Variants in ATG7 observed in about 807,000 individuals in gnomAD.
ATG7 encodes ubiquitin-like modifier-activating enzyme ATG7.
ATG7 carries 70 observed loss-of-function variants against 82.4 expected under a neutral mutation model. The ratio of observed to expected loss-of-function variants is 0.85; its 90% confidence interval spans 0.70 to 1.04. The LOEUF (loss-of-function observed/expected upper bound fraction) is 1.04. Among genes scored for constraint, ATG7 ranks in the 50% least tolerant of loss-of-function variants. The pLI is 0.00. For synonymous variants in ATG7, 287 were observed against 313.0 expected (o/e 0.92, Z 0.88); for missense variants, 792 against 864.3 (o/e 0.92, Z 1.05).
chr3:11,354,068 C>G (rs2075758590), intron 14 of ATG7, among the ~76,000 whole-genome samples: 1 of 152,066 alleles, frequency 6.6e-6, no homozygotes, highest in East Asian at 1.9e-4. Context: ...TATATGTATC[C>G]CAGACTAACC....
At chr3:11,281,904 A>G (rs1250182984) in intron 2 of ATG7, among the ~76,000 whole-genome samples, 1 of 152,192 alleles carries the variant, frequency 6.6e-6, no homozygotes, top group East Asian at 1.9e-4. Context: ...ACATACCAGA[A>G]ATGAAAACCA....
At chr3:11,341,607 C>T (rs1953644408) in intron 12 of ATG7, among the ~76,000 whole-genome samples, 1 of 152,022 alleles carries the variant, frequency 6.6e-6, no homozygotes, top group Non-Finnish European at 1.5e-5. Flanking sequence ...GCCACCACAC[C>T]TAGCTAATTT....
chr3:11,445,236 T>C (rs1385363464), intron 20 of ATG7, among the ~76,000 whole-genome samples: 1 of 152,162 alleles, frequency 6.6e-6, no homozygotes, highest in East Asian at 1.9e-4. Flanking sequence ...CATTCTGCCA[T>C]AAAGACACGT....
chr3:11,562,192 C>T (rs1184388310), downstream of ATG7, among the ~76,000 whole-genome samples: 1 of 152,212 alleles, frequency 6.6e-6, no homozygotes, highest in East Asian at 1.9e-4. Flanking sequence ...CCACTGTGCC[C>T]AGCCCTCAAT....
intron 5 of ATG7, 61 bp downstream of exon 5, chr3:11,299,477 A>G: frequency 6.6e-7 from 1 of 1,504,030 alleles, no homozygotes; most frequent in South Asian, 1.1e-5. Context: ...AGGAATAAGC[A>G]TGCTTGCCTC....
At chr3:11,548,984 T>G (rs901945358) in intron 20 of ATG7, among the ~76,000 whole-genome samples, 1 of 152,216 alleles carries the variant, frequency 6.6e-6, no homozygotes, top group Admixed American at 6.5e-5. Flanking sequence ...CAGGGAGGTA[T>G]GAGAGTGGTT....
At chr3:11,429,394 G>GC (rs1277351576) in intron 20 of ATG7, among the ~76,000 whole-genome samples, 1 of 152,032 alleles carries the variant, frequency 6.6e-6, no homozygotes, top group African/African-American at 2.4e-5. Context: ...TACTCGGGAG[G>GC]CTGAGGCAGG....
chr3:11,280,379 T>A (rs992514091), intron 1 of ATG7, among the ~76,000 whole-genome samples: 8 of 152,206 alleles, frequency 5.3e-5, no homozygotes, highest in Non-Finnish European at 1.0e-4. Context: ...GGTATCCCCA[T>A]CTAACAGAAG....
rs113553411 is a variant in ATG7, at chr3:11,483,486, T to C, written c.2079+56560T>C. Among the ~76,000 whole-genome samples, 326 of 152,292 alleles carry C rather than the reference T, an allele frequency of 2.1e-3. 1 individual carries two copies. The highest frequency in any genetic ancestry group is 7.5e-3 in the African/African-American group (311 of 41,552). On this transcript the variant is annotated intron_variant, in intron 20 of 20. Coordinates refer to ENST00000693202, the MANE Select transcript of ATG7 (RefSeq NM_001349232.2). ...GTTTTCTTGGGGGTAGGGAATACATTTGAAGAGGAGTAACCACTGCACTCC... is the reference window on the plus strand; with the variant it reads ...GTTTTCTTGGGGGTAGGGAATACATCTGAAGAGGAGTAACCACTGCACTCC...
intron 20 of ATG7, among the ~76,000 whole-genome samples, chr3:11,542,752 G>A (rs946929086): frequency 6.6e-6 from 1 of 152,164 alleles, no homozygotes; most frequent in Non-Finnish European, 1.5e-5. Context: ...CCGGGCGTCA[G>A]GTCTCTGTTT....
rs544946255 is a variant in ATG7 at position 11,444,272 on chromosome 3, C to G, written c.2079+17346C>G. Among the ~76,000 whole-genome samples, 53 of 152,212 alleles carry G rather than the reference C, an allele frequency of 3.5e-4. No individual in the cohort carries two copies. In the South Asian group the frequency reaches 7.1e-3, roughly 20 times the overall value. ...GTTTGGAGCATTCTGGTATATATCT[C>G]CTGGGGTTCATGTGCAGCATTTCTC... On this transcript the variant is annotated intron_variant, in intron 20 of 20. Transcript: ENST00000693202.
At chr3:11,573,316 GAAGAAAGAAAGA>G in the ATG7 span, among the ~76,000 whole-genome samples, 1,351 of 20,596 alleles carry the variant, frequency 0.066, 54 homozygotes, top group Non-Finnish European at 0.07. Flanking sequence ...AGGAAGGAAG[GAAGAAAGAAAGA>G]AAGAAAGAAA....
In ATG7 at chr3:11,518,082, G is replaced by A. The variant is rs572005169; in HGVS notation, c.2080-36729G>A. On this transcript the variant is annotated intron_variant, in intron 20 of 20. Transcript: ENST00000693202. The stretch of plus-strand genomic sequence containing the variant: ...TGGTTGGATGGTGAGTGGGAGAGAG[G>A]AAGGGGACCAAGGTGCTTCCCTGGG... Among the ~76,000 whole-genome samples the A allele has an allele frequency of 2.6e-5, 4 of 152,320 alleles. No individual in the cohort carries two copies. In the South Asian group the frequency reaches 6.2e-4, roughly 24 times the overall value.
chr3:11,574,720 G>T, the ATG7 span, among the ~76,000 whole-genome samples: 1 of 151,290 alleles, frequency 6.6e-6, no homozygotes, highest in Non-Finnish European at 1.5e-5. Flanking sequence ...CACTCTACAT[G>T]ACACATGTCG....
chr3:11,311,671 G>A (rs912630148), intron 7 of ATG7, among the ~76,000 whole-genome samples: 12 of 151,416 alleles, frequency 7.9e-5, no homozygotes, highest in Non-Finnish European at 1.3e-4. Context: ...ACTAAATATC[G>A]GTTATGACAA....
At chr3:11,335,761 G>A (rs1356427118) in intron 11 of ATG7, among the ~76,000 whole-genome samples, 2 of 152,232 alleles carry the variant, frequency 1.3e-5, no homozygotes, top group Admixed American at 1.3e-4. Flanking sequence ...GCAATGGCAC[G>A]ATCTCGGCTC....
chr3:11,326,423 C>T (rs149520814), intron 9 of ATG7, among the ~76,000 whole-genome samples: 69 of 152,154 alleles, frequency 4.5e-4, no homozygotes, highest in African/African-American at 1.5e-3. Flanking sequence ...CTCAGTCTCC[C>T]GAGTAGCTGG....
At chr3:11,476,901 TTTAATC>T (rs1333958418) in intron 20 of ATG7, among the ~76,000 whole-genome samples, 2 of 152,196 alleles carry the variant, frequency 1.3e-5, no homozygotes, top group African/African-American at 4.8e-5. Flanking sequence ...AAAGGCTTCT[TTTAATC>T]TTAAATACAG....
At chr3:11,417,810 A>T (rs57690598) in intron 19 of ATG7, among the ~76,000 whole-genome samples, 15,093 of 96,466 alleles carry the variant, frequency 0.16, 1,603 homozygotes, top group South Asian at 0.34. Context: ...ATTTTATTTT[A>T]TTTTATTTTT....
Sources: allele counts gnomAD v4.1 joint callset (sites outside exome capture counted in the v4.1 genomes callset), GRCh38; gene constraint gnomAD v4.1.1; transcripts MANE v1.5; gene names NCBI Gene and HGNC (gene_info 2026-07-23, HGNC 2026-07-21).